FRMD4B: variants seen among roughly 807,000 people sequenced by gnomAD.
The protein encoded by FRMD4B is FERM domain containing 4B, also known as FERM domain-containing protein 4B.
In FRMD4B, 74 loss-of-function variants were observed where a neutral mutation model predicts 141.5. The observed-to-expected ratio is 0.52, with a 90% confidence interval of 0.43 to 0.63. The LOEUF (loss-of-function observed/expected upper bound fraction) is 0.63. Ranked by LOEUF, FRMD4B falls within the 30% of genes least tolerant of loss-of-function variation. The pLI, the probability that FRMD4B is intolerant of heterozygous loss-of-function variation, is 0.00. For synonymous variants in FRMD4B, 506 were observed against 467.9 expected (o/e 1.08, Z -1.05); for missense variants, 1,366 against 1,253.4 (o/e 1.09, Z -1.36).
intron 5 of FRMD4B, among the ~76,000 whole-genome samples, chr3:69,282,760 C>G (rs2093649924): frequency 6.6e-6 from 1 of 152,042 alleles, no homozygotes; most frequent in South Asian, 2.1e-4. Flanking sequence ...GCCTCAGCCT[C>G]CGGAGTAGGT....
At chr3:69,286,860 A>G (rs574856306) in intron 5 of FRMD4B, among the ~76,000 whole-genome samples, 1 of 152,214 alleles carries the variant, frequency 6.6e-6, no homozygotes, top group Non-Finnish European at 1.5e-5. Flanking sequence ...GCTGGAGTGC[A>G]GTGGCACAAT....
chr3:69,500,781 G>A (rs1194240419), intron 1 of FRMD4B, among the ~76,000 whole-genome samples: 2 of 151,702 alleles, frequency 1.3e-5, no homozygotes, highest in Middle Eastern at 3.4e-3. Flanking sequence ...AGGAAGGAAC[G>A]CCCACGCTCT....
chr3:69,176,049 G>A (rs2092642080), intron 22 of FRMD4B, among the ~76,000 whole-genome samples: 1 of 152,016 alleles, frequency 6.6e-6, no homozygotes, highest in Admixed American at 6.6e-5. Context: ...CAAAGTGCTG[G>A]CATTATAGGC....
intron 9 of FRMD4B, among the ~76,000 whole-genome samples, chr3:69,219,899 T>G (rs2093177796): frequency 1.3e-5 from 2 of 152,212 alleles, no homozygotes; most frequent in Admixed American, 1.3e-4. Context: ...TGCATTAGTT[T>G]GCTGAGGATA....
intron 5 of FRMD4B, among the ~76,000 whole-genome samples, chr3:69,266,594 G>A (rs2093563442): frequency 6.6e-6 from 1 of 152,104 alleles, no homozygotes; most frequent in Admixed American, 6.5e-5. Flanking sequence ...CCAAAGTGCT[G>A]GGATTACAGG....
chr3:69,301,629 C>T (rs761345643), intron 4 of FRMD4B, among the ~76,000 whole-genome samples: 9 of 152,160 alleles, frequency 5.9e-5, no homozygotes, highest in Middle Eastern at 3.4e-3. Context: ...TGTGCCTGGC[C>T]GGTATTACAT....
intron 1 of FRMD4B, among the ~76,000 whole-genome samples, chr3:69,372,992 A>T (rs185593593): frequency 6.6e-6 from 1 of 152,176 alleles, no homozygotes; most frequent in East Asian, 1.9e-4. Context: ...GTGCACTTAA[A>T]CCCCTAAGAT....
At chr3:69,500,826 T>A (rs1215278514) in intron 1 of FRMD4B, among the ~76,000 whole-genome samples, 1 of 151,624 alleles carries the variant, frequency 6.6e-6, no homozygotes, top group African/African-American at 2.4e-5. Context: ...AGGGAGGAAG[T>A]AGAAAAGGGA....
intron 1 of FRMD4B, among the ~76,000 whole-genome samples, chr3:69,314,137 T>TCAAAAAAAAA (rs1435457022): frequency 4.0e-4 from 4 of 10,064 alleles, no homozygotes; most frequent in Non-Finnish European, 4.2e-4. Flanking sequence ...AGACTCCGTC[T>TCAAAAAAAAA]CAAAAAAAAA....
chr3:69,176,602 G>C lies in FRMD4B; in HGVS notation c.2906C>G (p.Ser969Trp), dbSNP rs187666580. Residue 969 changes from serine (S) to tryptophan (W), a missense_variant, in exon 22 of 23, where the codon TCG becomes TGG. Physicochemically the swap from Ser to Trp is radical, Grantham distance 177 (BLOSUM62 -3). Transcript: ENST00000398540. ...AGAATGTGCTGGAGTCTCGTAATCC[G>C]ACAGCCCTATGGTTAACTGGGTCCT... ...NWRTQLTIGL[S>W]DYETPAHSSY... The C allele has an allele frequency of 1.0e-5, 16 of 1,605,264 alleles. No individual in the cohort carries two copies. In the East Asian group the frequency reaches 3.6e-4, roughly 36 times the overall value.
chr3:69,226,841 T>G (rs1413264563), intron 7 of FRMD4B, among the ~76,000 whole-genome samples: 2 of 152,202 alleles, frequency 1.3e-5, no homozygotes, highest in Non-Finnish European at 2.9e-5. Flanking sequence ...ATTTTATCTG[T>G]CATTCCATTC....
chr3:69,421,181 C>T (rs1231712397), intron 2 of FRMD4B, among the ~76,000 whole-genome samples: 2 of 152,240 alleles, frequency 1.3e-5, no homozygotes, highest in East Asian at 1.9e-4. Context: ...CACCCTCACA[C>T]AGCCCCAGAG....
At chr3:69,186,040 T>TC (rs2092762855) in intron 19 of FRMD4B, among the ~76,000 whole-genome samples, 1 of 139,256 alleles carries the variant, frequency 7.2e-6, no homozygotes, top group Non-Finnish European at 1.5e-5. Context: ...AGACTCTGTC[T>TC]CAAAAAAAAA....
chr3:69,217,190 T>C (rs973823291), intron 10 of FRMD4B, among the ~76,000 whole-genome samples: 1 of 152,248 alleles, frequency 6.6e-6, no homozygotes, highest in African/African-American at 2.4e-5. Flanking sequence ...TTGAGGTACA[T>C]ACGGGGAGGT....
chr3:69,207,909 C>T (rs929216500), intron 11 of FRMD4B, among the ~76,000 whole-genome samples: 4 of 152,246 alleles, frequency 2.6e-5, no homozygotes, highest in South Asian at 2.1e-4. Flanking sequence ...CACGGAACTC[C>T]GTAAGCTCCA....
At chr3:69,240,707 G>A (rs1341627135) in intron 7 of FRMD4B, among the ~76,000 whole-genome samples, 1 of 152,102 alleles carries the variant, frequency 6.6e-6, no homozygotes, top group African/African-American at 2.4e-5. Context: ...ACAAAAAAAT[G>A]GATTAACCGC....
intron 1 of FRMD4B, chr3:69,536,001 A>G (rs1701078827): frequency 2.6e-6 from 1 of 388,080 alleles, no homozygotes; most frequent in Non-Finnish European, 5.1e-6. Context: ...CTTCCTACTA[A>G]GCCCGCTGGC....
intron 7 of FRMD4B, among the ~76,000 whole-genome samples, chr3:69,245,809 G>C (rs1040976950): frequency 1.4e-5 from 2 of 146,578 alleles, no homozygotes; most frequent in African/African-American, 2.5e-5. Context: ...GACTACAGGC[G>C]TCTGCGAACG....
chr3:69,293,880 C>CAAAAAAAAAAAAAAAAAAAAAA (rs10699871), intron 4 of FRMD4B, among the ~76,000 whole-genome samples: 2 of 74,440 alleles, frequency 2.7e-5, no homozygotes, highest in African/African-American at 1.2e-4. Flanking sequence ...GATTCTGCCT[C>CAAAAAAAAAAAAAAAAAAAAAA]AAAAAAAAAA....
Sources: gnomAD v4.1 joint callset for allele counts (sites outside exome capture counted in the v4.1 genomes callset) on GRCh38, gnomAD v4.1.1 for gene constraint, MANE v1.5 for transcripts, NCBI Gene and HGNC (gene_info 2026-07-23, HGNC 2026-07-21) for gene names.